Variants in D2HGDH observed in about 807,000 individuals in gnomAD.
The protein encoded by D2HGDH is D-2-hydroxyglutarate dehydrogenase.
Under a neutral mutation model 46.9 loss-of-function variants are expected in D2HGDH, and 31 were observed. That is an observed-to-expected ratio of 0.66 (90% CI 0.50 to 0.89). The LOEUF is 0.89. D2HGDH is among the 40% of genes least tolerant of loss of function. The probability of loss-of-function intolerance (pLI) is 0.00; values close to 1 mark genes in which losing one functional copy is unlikely to be tolerated. For synonymous variants in D2HGDH, 364 were observed against 332.6 expected, an observed-to-expected ratio of 1.09 and a Z score of -1.03; for missense variants, 698 against 720.8, an observed-to-expected ratio of 0.97 and a Z score of 0.36.
At chr2:241,735,933 T>C in intron 2 of D2HGDH, 1 of 236,642 alleles carries the variant, frequency 4.2e-6, no homozygotes, top group Non-Finnish European at 8.5e-6. Context: ...CCGCTAATTT[T>C]TGTATTTTTA....
rs1699316019 is a variant in D2HGDH at position 241,768,299 on chromosome 2, G to A, written c.*330G>A. On this transcript the variant is annotated 3_prime_UTR_variant, in exon 10 of 10. Coordinates refer to ENST00000321264, the MANE Select transcript of D2HGDH (RefSeq NM_152783.5). Reference sequence around the variant, plus strand: ...GGTGGCCCCTGGCCCCATCTTGCCTGCTGCGGCCTGGGGAGCAGGCGCTGG... The same window carrying A: ...GGTGGCCCCTGGCCCCATCTTGCCTACTGCGGCCTGGGGAGCAGGCGCTGG... The A allele has an allele frequency of 6.2e-6, 2 of 321,176 alleles. No homozygotes were observed. The highest frequency in any genetic ancestry group is 1.2e-5 in the Non-Finnish European group (2 of 172,412). The allele number at this position is 321,176 out of a possible 1,614,324, so 19.9% of individuals were successfully genotyped here.
chr2:241,747,595 G>T (rs1696218071), intron 6 of D2HGDH, among the ~76,000 whole-genome samples: 1 of 147,862 alleles, frequency 6.8e-6, no homozygotes, highest in Non-Finnish European at 1.5e-5. Flanking sequence ...GAGAGACAAG[G>T]TCTCACTCTG....
chr2:241,759,408 G>A (rs1338631920), intron 9 of D2HGDH, among the ~76,000 whole-genome samples: 2 of 152,208 alleles, frequency 1.3e-5, no homozygotes, highest in Non-Finnish European at 2.9e-5. Flanking sequence ...CGATGGACTC[G>A]CTCTTTATCT....
chr2:241,760,212 C>T (rs1698640442), intron 9 of D2HGDH, among the ~76,000 whole-genome samples: 1 of 21,694 alleles, frequency 4.6e-5, no homozygotes, highest in Non-Finnish European at 8.5e-5. Context: ...AGGACTTCGC[C>T]ACAGCGTGGG....
In D2HGDH at chr2:241,751,245, G is replaced by C. The variant is rs766466132; in HGVS notation, c.998-1G>C. On this transcript the variant is annotated splice_acceptor_variant, in intron 7 of 9. Coordinates refer to ENST00000321264, the MANE Select transcript of D2HGDH (RefSeq NM_152783.5). LOFTEE classifies it high-confidence loss of function. The stretch of plus-strand genomic sequence containing the variant: ...ACTCTGCCTTCCTTGCTCACTTCTA[G>C]AGAGTCCGTTTTACGTCCTCATCGA... 8 of 1,613,860 alleles carry C rather than the reference G, an allele frequency of 5.0e-6. No homozygotes were observed.
In D2HGDH at chr2:241,765,041, G is replaced by T. The variant is rs377219924; in HGVS notation, c.1307-2669G>T. 1.5e-4 allele frequency among the ~76,000 whole-genome samples: 23 copies of T among 152,352 alleles called. No individual in the cohort carries two copies. In the East Asian group the frequency reaches 2.9e-3, roughly 19 times the overall value. ...TGGACCAGAGAGGAGGCAGCTGGGA[G>T]CCAGGACTTTGTCTGCAGTGGGCAC... On this transcript the variant is annotated intron_variant, in intron 9 of 9. Coordinates refer to ENST00000321264, the MANE Select transcript of D2HGDH (RefSeq NM_152783.5).
Position 241,744,417 on chromosome 2 carries a change from A to T in D2HGDH, c.685-292A>T, listed in dbSNP as rs535483616. On this transcript the variant is annotated intron_variant, in intron 5 of 9. Coordinates refer to ENST00000321264, the MANE Select transcript of D2HGDH (RefSeq NM_152783.5). ...CAGCACACAGGACTCGGAGAGGCCC[A>T]CAGCTCGGGAGCTTTGATGCCTTAT... Among the ~76,000 whole-genome samples the T allele has an allele frequency of 7.5e-3, 1,147 of 152,342 alleles. 10 individuals carry two copies. The highest frequency in any genetic ancestry group is 0.011 in the Admixed American group (170 of 15,308).
chr2:241,750,572 T>C (rs4675881), intron 7 of D2HGDH, among the ~76,000 whole-genome samples: 10,877 of 152,348 alleles, frequency 0.071, 508 homozygotes, highest in Admixed American at 0.15. Context: ...ACTAAGTGGC[T>C]ATTTTTGGTG....
In D2HGDH at chr2:241,742,736, T is replaced by C. The variant is rs553931734; in HGVS notation, c.490+162T>C. Among the ~76,000 whole-genome samples the C allele has an allele frequency of 6.6e-6, 1 of 152,286 alleles. No individual in the cohort carries two copies. Among genetic ancestry groups the C allele is most frequent in the East Asian group, 1.9e-4 (1 of 5,186 alleles). On this transcript the variant is annotated intron_variant, in intron 4 of 9. Coordinates refer to ENST00000321264, the MANE Select transcript of D2HGDH (RefSeq NM_152783.5). The surrounding 1 kb of genome is among the most constrained non-coding windows in gnomAD (Gnocchi z 4.8). ...TGTAGCCTGGCCGCCTAGCCCCACC[T>C]CGCCCGGCCCCTCCAGACATGCGTG...
chr2:241,762,979 T>A (rs955920898), intron 9 of D2HGDH, among the ~76,000 whole-genome samples: 1 of 152,170 alleles, frequency 6.6e-6, no homozygotes, highest in Non-Finnish European at 1.5e-5. Context: ...ATTCGTTAGA[T>A]TTTTATCTGT....
intron 9 of D2HGDH, among the ~76,000 whole-genome samples, chr2:241,762,216 C>T (rs991384932): frequency 2.0e-5 from 3 of 151,834 alleles, no homozygotes; most frequent in East Asian, 1.9e-4. Context: ...GGATTACAGG[C>T]GTGTGCCACC....
intron 6 of D2HGDH, chr2:241,749,678 T>C: frequency 3.1e-6 from 1 of 326,722 alleles, no homozygotes; most frequent in South Asian, 2.5e-5. Context: ...ATACGCCCCC[T>C]CTGAGTCCCA....
intron 2 of D2HGDH, among the ~76,000 whole-genome samples, chr2:241,739,108 G>A (rs1693723032): frequency 6.6e-6 from 1 of 152,224 alleles, no homozygotes; most frequent in Admixed American, 6.5e-5. Flanking sequence ...TGCCCCCATG[G>A]CCCCCTCCGT....
At chr2:241,747,781 T>A (rs886764181) in intron 6 of D2HGDH, among the ~76,000 whole-genome samples, 5 of 152,158 alleles carry the variant, frequency 3.3e-5, no homozygotes, top group Non-Finnish European at 7.4e-5. Context: ...CAGGCTGGTC[T>A]TGAACTCCTG....
chr2:241,740,224 G>A (rs1172293955), intron 2 of D2HGDH, among the ~76,000 whole-genome samples: 1 of 152,162 alleles, frequency 6.6e-6, no homozygotes, highest in Admixed American at 6.5e-5. Flanking sequence ...TAACTGATTT[G>A]GTCTAGGATA....
Position 241,751,310 on chromosome 2 carries a change from G to T in D2HGDH, c.1062G>T (p.Leu354=). 1 of 1,613,944 alleles carries T rather than the reference G, an allele frequency of 6.2e-7. No individual in the cohort carries two copies. Among genetic ancestry groups the T allele is most frequent in the Non-Finnish European group, 8.5e-7 (1 of 1,180,032 alleles). ...ACGCAGGCCATGACGCTGAGAAGCTGGGCCACTTCCTGGAGCACGCGCTGG... is the reference window on the plus strand; with the variant it reads ...ACGCAGGCCATGACGCTGAGAAGCTTGGCCACTTCCTGGAGCACGCGCTGG... The part of the protein sequence containing the change: ...GSNAGHDAEK[L]GHFLEHALGS... Residue 354 remains leucine (L), a synonymous_variant, in exon 8 of 10, where the codon CTG becomes CTT. Transcript: ENST00000321264.
chr2:241,748,403 G>A (rs921166875), intron 6 of D2HGDH, among the ~76,000 whole-genome samples: 6 of 152,232 alleles, frequency 3.9e-5, no homozygotes, highest in African/African-American at 1.4e-4. Context: ...TTACAGGTGT[G>A]AGCCACTGTG....
intron 1 of D2HGDH, 181 bp downstream of exon 1, chr2:241,734,876 T>TC: frequency 4.0e-6 from 1 of 250,648 alleles, no homozygotes; most frequent in South Asian, 1.3e-4. Context: ...GTCCGCGGGA[T>TC]CCCCTCGGGG....
chr2:241,767,713 A>T lies in D2HGDH; in HGVS notation c.1310A>T (p.Asp437Val), dbSNP rs780752571. 1.1e-5 allele frequency: 17 copies of T among 1,612,602 alleles called. No homozygotes were observed. The highest frequency in any genetic ancestry group is 1.3e-5 in the African/African-American group (1 of 74,780). Residue 437 changes from aspartate to valine, a missense_variant, in exon 10 of 10, where the codon GAT becomes GTT. Transcript: ENST00000321264. ...CCATGTGCCCTTGTCCCTCCAGGAG[A>T]TGGTAACCTGCACCTCAATGTGACG... ...KHVVGYGHLG[D>V]GNLHLNVTAE...
Sources: gnomAD v4.1 joint callset for allele counts (sites outside exome capture counted in the v4.1 genomes callset) on GRCh38, gnomAD v4.1.1 for gene constraint, Gnocchi (gnomAD v3.1) non-coding constraint, MANE v1.5 for transcripts, NCBI Gene and HGNC (gene_info 2026-07-23, HGNC 2026-07-21) for gene names.